The following IFT43 variants were observed in gnomAD, a reference collection of about 807,000 sequenced individuals.
IFT43 encodes intraflagellar transport protein 43 homolog.
In IFT43, 33 loss-of-function variants were observed where a neutral mutation model predicts 32.3. The observed-to-expected ratio is 1.02, with a 90% CI of 0.77 to 1.37. IFT43 has a LOEUF of 1.37. Ranked by LOEUF, IFT43 falls within the 40% of genes most tolerant of loss-of-function variation. IFT43 has a pLI of 0.00. For missense variants in IFT43, 274 were observed against 265.9 expected (o/e 1.03, Z -0.21); for synonymous variants, 93 against 98.2 (o/e 0.95, Z 0.31).
chr14:76,027,227 CTTAAAAG>C (rs1396624284), intron 3 of IFT43, among the ~76,000 whole-genome samples: 1 of 152,134 alleles, frequency 6.6e-6, no homozygotes, highest in East Asian at 1.9e-4. Flanking sequence ...TACACCTGAA[CTTAAAAG>C]TTAAATTAAA....
chr14:76,080,086 T>G (rs1445492116), intron 5 of IFT43, among the ~76,000 whole-genome samples: 1 of 152,220 alleles, frequency 6.6e-6, no homozygotes, highest in Non-Finnish European at 1.5e-5. Context: ...TGCAGACACC[T>G]GTTCTGCTGG....
intron 3 of IFT43, among the ~76,000 whole-genome samples, chr14:76,024,156 T>C (rs2036345971): frequency 6.6e-6 from 1 of 152,234 alleles, no homozygotes; most frequent in Non-Finnish European, 1.5e-5. Flanking sequence ...TCTGCCAGCA[T>C]CTGGGAATGC....
chr14:76,019,528 G>A (rs552375974), intron 2 of IFT43, among the ~76,000 whole-genome samples: 4 of 151,806 alleles, frequency 2.6e-5, no homozygotes, highest in Non-Finnish European at 4.4e-5. Context: ...TTGACATTTT[G>A]ATTATAATGT....
chr14:76,062,938 A>AAAAAAAAAAAAAAGAAAAAAG lies in IFT43; in HGVS notation c.295+3568_295+3569insAAAAAAAAAAGAAAAAAGAAA, dbSNP rs1485146040. Among the ~76,000 whole-genome samples the AAAAAAAAAAAAAAGAAAAAAG allele has an allele frequency of 3.3e-4, 40 of 120,872 alleles. 1 individual carries two copies. The highest frequency in any genetic ancestry group is 5.5e-4 in the South Asian group (2 of 3,608). The allele number at this position is 120,872 out of a possible 152,430, so 79.3% of individuals were successfully genotyped here. ...ATCTCAAAAAAAAAAAAAAAAAAAA[A>AAAAAAAAAAAAAAGAAAAAAG]AAAGAAAATACATTAAGTCAAACCA... On this transcript the variant is annotated intron_variant, in intron 5 of 8. Transcript: ENST00000314067.
chr14:76,025,181 G>A (rs1337297824), intron 3 of IFT43, among the ~76,000 whole-genome samples: 1 of 152,158 alleles, frequency 6.6e-6, no homozygotes, highest in Non-Finnish European at 1.5e-5. Context: ...CATTATTCTA[G>A]TTTAGAATTT....
rs753272019 is a variant in IFT43 at position 76,058,623 on chromosome 14, T to G, written c.216-19T>G. 8.8e-6 allele frequency: 14 copies of G among 1,590,510 alleles called. 1 individual carries two copies. In the South Asian group the frequency reaches 1.6e-4, roughly 18 times the overall value. ...CTAGTGGGCTCTCAAAAACCTTGTC[T>G]TTTCTTTTTTTTTTTCAGGTTTAGG... is the stretch of plus-strand genomic sequence containing the variant. On this transcript the variant is annotated intron_variant, in intron 3 of 8. Transcript: ENST00000314067.
Position 75,999,259 on chromosome 14 carries a change from ATATATATATATATGTATATATATTT to A in IFT43, c.147+10284_147+10308del, listed in dbSNP as rs1435719025. 2.8e-3 allele frequency among the ~76,000 whole-genome samples: 60 copies of A among 21,570 alleles called. 4 individuals are homozygous for A. Among genetic ancestry groups the A allele is most frequent in the East Asian group, 0.019 (15 of 786 alleles). 14.2% of individuals were successfully genotyped at this position (21,570 alleles called of 152,430 possible). ...TATATATATATATATATATATATAT[ATATATATATATATGTATATATATTT>A]TTTTTTTTTTTTTTTTAATTTTTTG... On this transcript the variant is annotated intron_variant, in intron 2 of 8. Transcript: ENST00000314067.
chr14:76,027,573 G>T (rs543982052), intron 3 of IFT43, among the ~76,000 whole-genome samples: 3 of 152,028 alleles, frequency 2.0e-5, no homozygotes, highest in Non-Finnish European at 4.4e-5. Flanking sequence ...GCTAGGTGTG[G>T]TGGCGGGTGC....
At chr14:76,014,759 T>TA (rs1463503580) in intron 2 of IFT43, among the ~76,000 whole-genome samples, 1 of 152,228 alleles carries the variant, frequency 6.6e-6, no homozygotes, top group African/African-American at 2.4e-5. Flanking sequence ...GCAGCCTTAA[T>TA]AATGCCCCAG....
intron 5 of IFT43, chr14:76,076,734 T>G: frequency 6.2e-7 from 1 of 1,610,366 alleles, no homozygotes; most frequent in Non-Finnish European, 8.5e-7. Flanking sequence ...AAAAGGATCC[T>G]TCTGGGACTT....
chr14:76,025,707 C>G (rs2036378900), intron 3 of IFT43, among the ~76,000 whole-genome samples: 1 of 152,140 alleles, frequency 6.6e-6, no homozygotes. Context: ...GGAAGGATTC[C>G]TTATTCAATA....
intron 1 of IFT43, among the ~76,000 whole-genome samples, chr14:75,988,525 T>C (rs2035573981): frequency 6.6e-6 from 1 of 152,118 alleles, no homozygotes; most frequent in Admixed American, 6.6e-5. Context: ...ATCTTTTTTT[T>C]TGTTTTGTTT....
At chr14:76,036,553 C>T (rs71431112) in intron 3 of IFT43, among the ~76,000 whole-genome samples, 15,855 of 151,618 alleles carry the variant, frequency 0.1, 980 homozygotes, top group Middle Eastern at 0.16. Context: ...TACAGGCGCG[C>T]GCCACCACAC....
At chr14:76,049,649 G>T (rs1260313681) in intron 3 of IFT43, among the ~76,000 whole-genome samples, 1 of 152,152 alleles carries the variant, frequency 6.6e-6, no homozygotes. Flanking sequence ...GACATTTGGG[G>T]AACACTCATA....
chr14:76,001,880 G>A (rs2035892495), intron 2 of IFT43, among the ~76,000 whole-genome samples: 1 of 152,142 alleles, frequency 6.6e-6, no homozygotes, highest in Non-Finnish European at 1.5e-5. Context: ...TTCTATAAGG[G>A]ACCCACTCTA....
chr14:76,078,883 G>C (rs1331009825), intron 5 of IFT43, among the ~76,000 whole-genome samples: 1 of 152,200 alleles, frequency 6.6e-6, no homozygotes, highest in Non-Finnish European at 1.5e-5. Flanking sequence ...GTTGGTGGAG[G>C]TGGAGTCTCT....
intron 2 of IFT43, among the ~76,000 whole-genome samples, chr14:76,003,800 CAG>C (rs1436276336): frequency 6.6e-6 from 1 of 151,764 alleles, no homozygotes; most frequent in Non-Finnish European, 1.5e-5. Context: ...GTTTTTGAGA[CAG>C]AGTCTCACTC....
chr14:76,014,070 T>G (rs1431434251), intron 2 of IFT43: 1 of 277,382 alleles, frequency 3.6e-6, no homozygotes, highest in Non-Finnish European at 7.4e-6. Flanking sequence ...AAGAGTACTC[T>G]AAGGACTGTA....
intron 2 of IFT43, among the ~76,000 whole-genome samples, chr14:76,004,930 T>A (rs1209992854): frequency 6.6e-6 from 1 of 152,230 alleles, no homozygotes; most frequent in Admixed American, 6.5e-5. Flanking sequence ...AGCTTCTGTT[T>A]CTTTCCTAGA....
Sources: gnomAD v4.1 joint callset for allele counts (sites outside exome capture counted in the v4.1 genomes callset) on GRCh38, gnomAD v4.1.1 for gene constraint, MANE v1.5 for transcripts, NCBI Gene and HGNC (gene_info 2026-07-23, HGNC 2026-07-21) for gene names.